The following RAB11FIP3 variants were observed in gnomAD, a reference collection of about 807,000 sequenced individuals.
The protein encoded by RAB11FIP3 is rab11 family-interacting protein 3.
In RAB11FIP3, 17 loss-of-function variants were observed where a neutral mutation model predicts 77.8. The observed-to-expected ratio is 0.22, with a 90% confidence interval of 0.15 to 0.33. The LOEUF is 0.33. RAB11FIP3 is among the 10% of genes least tolerant of loss of function. RAB11FIP3 has a pLI of 1.00. For missense variants in RAB11FIP3, 1,005 were observed against 1,011.2 expected (o/e 0.99, Z 0.08); for synonymous variants, 437 against 448.2 (o/e 0.98, Z 0.31).
At chr16:515,631 G>A (rs944926772) in intron 9 of RAB11FIP3, among the ~76,000 whole-genome samples, 2 of 151,764 alleles carry the variant, frequency 1.3e-5, no homozygotes, top group Non-Finnish European at 2.9e-5. Flanking sequence ...TTCGCATCTC[G>A]GAGCAGCCAC....
intron 1 of RAB11FIP3, among the ~76,000 whole-genome samples, chr16:432,636 G>A (rs1205494488): frequency 1.5e-5 from 2 of 134,276 alleles, no homozygotes; most frequent in Non-Finnish European, 3.1e-5. Context: ...GTCTCGCTCT[G>A]TGGCCCAGGC....
chr16:510,494 C>T lies in RAB11FIP3; in HGVS notation c.1500-166C>T, dbSNP rs187501295. 15 of 768,238 alleles carry T rather than the reference C, an allele frequency of 2.0e-5. No homozygotes were observed. In the Admixed American group the frequency reaches 2.1e-4, roughly 11 times the overall value. The allele number at this position is 768,238 out of a possible 1,614,324, so 47.6% of individuals were successfully genotyped here. A position where few individuals can be genotyped will look rare whatever the true frequency, so the allele number is the denominator to read the frequency against. ...AGGCGAGGCCATCTGGGGGTGTATTCGCTGCTTCAGAACTGCCTTGACCAG... is the reference window on the plus strand; with the variant it reads ...AGGCGAGGCCATCTGGGGGTGTATTTGCTGCTTCAGAACTGCCTTGACCAG... On this transcript the variant is annotated intron_variant, in intron 8 of 13. Transcript: ENST00000262305.
rs959900591 is a variant in RAB11FIP3, at chr16:507,545, C to A, written c.1499+1918C>A. Among the ~76,000 whole-genome samples the A allele has an allele frequency of 6.6e-6, 1 of 152,250 alleles. No individual in the cohort carries two copies. The highest frequency in any genetic ancestry group is 1.5e-5 in the Non-Finnish European group (1 of 68,048). On this transcript the variant is annotated intron_variant, in intron 8 of 13. Coordinates refer to ENST00000262305, the MANE Select transcript of RAB11FIP3 (RefSeq NM_014700.4). This position sits in a 1 kb window ranked among gnomAD's most constrained non-coding sequence, Gnocchi z 4.6. ...CAGAGGCGTGAGCCACCATGTCCAG[C>A]CTAGATGCCTTTGTCGAGTTGACTG...
chr16:474,773 C>CT, intron 3 of RAB11FIP3: 1 of 1,365,468 alleles, frequency 7.3e-7, no homozygotes, highest in South Asian at 1.9e-5. Flanking sequence ...CCCTGACTGA[C>CT]TAACCGTTTT....
chr16:456,766 CAAAA>C (rs754274136), intron 1 of RAB11FIP3, among the ~76,000 whole-genome samples: 62 of 152,154 alleles, frequency 4.1e-4, no homozygotes, highest in Non-Finnish European at 7.8e-4. Context: ...CAACAACAAA[CAAAA>C]AAACCAACAA....
chr16:475,135 T>C lies in RAB11FIP3; in HGVS notation c.903+3746T>C, dbSNP rs905317325. ...CAGTAGTGTGCACTGTGCCCAGTAT[T>C]CCTATTTCTGTGGTGGAGAGAGGCT... On this transcript the variant is annotated intron_variant, in intron 3 of 13. Coordinates refer to ENST00000262305, the MANE Select transcript of RAB11FIP3 (RefSeq NM_014700.4). The C allele has an allele frequency of 5.2e-6, 8 of 1,525,316 alleles. No homozygotes were observed. The South Asian group carries it at 8.6e-5, about 16-fold the overall frequency. 94.5% of individuals were successfully genotyped at this position (1,525,316 alleles called of 1,614,324 possible).
chr16:488,755 C>T (rs2029908290), intron 4 of RAB11FIP3, 96 bp from the exon 5 acceptor site: 1 of 1,249,266 alleles, frequency 8.0e-7, no homozygotes, highest in Non-Finnish European at 1.1e-6. Flanking sequence ...TCACGTGTGG[C>T]TTGTAGCACA....
chr16:471,222 C>A lies in RAB11FIP3; in HGVS notation c.809-73C>A. 1 of 1,353,982 alleles carries A rather than the reference C, an allele frequency of 7.4e-7. No individual in the cohort carries two copies. Among genetic ancestry groups the A allele is most frequent in the Non-Finnish European group, 1.0e-6 (1 of 957,574 alleles). The allele number at this position is 1,353,982 out of a possible 1,614,324, so 83.9% of individuals were successfully genotyped here. On this transcript the variant is annotated intron_variant, in intron 2 of 13. Coordinates refer to ENST00000262305, the MANE Select transcript of RAB11FIP3 (RefSeq NM_014700.4). This position sits in a 1 kb window ranked among gnomAD's most constrained non-coding sequence, Gnocchi z 4.4. ...CCTGGGGGCCTCCTTCCCAGGGAGT[C>A]CCGAGGCCGCCAGGGGTCCCGTCAC...
chr16:516,546 C>G (rs891759803), intron 9 of RAB11FIP3, among the ~76,000 whole-genome samples: 1 of 152,154 alleles, frequency 6.6e-6, no homozygotes, highest in Non-Finnish European at 1.5e-5. Flanking sequence ...GCATAAAGTG[C>G]GTGAGTCCAT....
intron 1 of RAB11FIP3, among the ~76,000 whole-genome samples, chr16:436,662 T>C (rs1370075306): frequency 6.6e-6 from 1 of 152,020 alleles, no homozygotes; most frequent in East Asian, 1.9e-4. Context: ...TTGTGTTTTT[T>C]GTAGAGGCGA....
intron 1 of RAB11FIP3, among the ~76,000 whole-genome samples, chr16:431,830 C>T (rs1056398841): frequency 1.1e-4 from 16 of 151,276 alleles, no homozygotes; most frequent in Non-Finnish European, 7.4e-5. Flanking sequence ...GATCTTGGCT[C>T]GCTGCAAGCT....
In RAB11FIP3 at chr16:522,648, C is replaced by G. The variant is rs1006440344; in HGVS notation, c.*1809C>G. ...GGTCAGACTAAGACCCTTCCAAGGC[C>G]GTAGGATTGCACCTCCAGGCCCAGT... On this transcript the variant is annotated 3_prime_UTR_variant, in exon 14 of 14. Transcript: ENST00000262305. The G allele has an allele frequency of 1.3e-5, 2 of 152,210 alleles. No homozygotes were observed. The highest frequency in any genetic ancestry group is 2.9e-5 in the Non-Finnish European group (2 of 68,054). 9.4% of individuals were successfully genotyped at this position (152,210 alleles called of 1,614,324 possible).
chr16:487,483 C>T (rs996777921), intron 4 of RAB11FIP3, among the ~76,000 whole-genome samples: 1 of 152,092 alleles, frequency 6.6e-6, no homozygotes, highest in Non-Finnish European at 1.5e-5. Flanking sequence ...AGCAGTGGTG[C>T]GTGGTGGGCA....
intron 1 of RAB11FIP3, among the ~76,000 whole-genome samples, chr16:456,047 G>T (rs758516076): frequency 3.9e-5 from 6 of 152,120 alleles, no homozygotes; most frequent in African/African-American, 1.4e-4. Context: ...AAGAATTAAG[G>T]CCGGGCACGG....
chr16:496,986 G>C, intron 6 of RAB11FIP3, 127 bp downstream of exon 6: 1 of 1,045,568 alleles, frequency 9.6e-7, no homozygotes, highest in South Asian at 1.5e-5. Flanking sequence ...TACTTTACAT[G>C]GTTTGGGGCT....
intron 3 of RAB11FIP3, among the ~76,000 whole-genome samples, chr16:474,612 G>A (rs190667962): frequency 1.4e-3 from 218 of 152,208 alleles, no homozygotes; most frequent in South Asian, 2.7e-3. Context: ...CAGAATCGTC[G>A]GGCCGCGCTC....
chr16:427,064 C>T (rs1232784749), intron 1 of RAB11FIP3, among the ~76,000 whole-genome samples: 2 of 152,044 alleles, frequency 1.3e-5, no homozygotes, highest in Non-Finnish European at 2.9e-5. Context: ...GATCGACGTG[C>T]CCCTGAATGA....
Position 492,423 on chromosome 16 carries a change from C to CT in RAB11FIP3, c.1265+3424dup, listed in dbSNP as rs1184210597. Among the ~76,000 whole-genome samples the CT allele has an allele frequency of 2.3e-3, 308 of 131,856 alleles. 8 individuals carry two copies. The highest frequency in any genetic ancestry group is 4.8e-3 in the African/African-American group (149 of 31,230). 86.5% of individuals were successfully genotyped at this position (131,856 alleles called of 152,430 possible). The stretch of plus-strand genomic sequence containing the variant: ...GGGAGACCCGAGGCCGCCCAGGGCC[C>CT]TCCCCGGGAGACCCGAGGCCGCCCA... On this transcript the variant is annotated intron_variant, in intron 5 of 13. Transcript: ENST00000262305.
intron 6 of RAB11FIP3, 182 bp from the exon 7 acceptor site, chr16:502,822 C>A: frequency 1.6e-6 from 1 of 606,344 alleles, no homozygotes; most frequent in Non-Finnish European, 2.9e-6. Flanking sequence ...GATGTCCAGC[C>A]TGGGACCTCC....
Sources: allele counts gnomAD v4.1 joint callset (sites outside exome capture counted in the v4.1 genomes callset), GRCh38; gene constraint gnomAD v4.1.1; non-coding constraint Gnocchi (gnomAD v3.1); transcripts MANE v1.5; gene names NCBI Gene and HGNC (gene_info 2026-07-23, HGNC 2026-07-21).